PCDHGA2: variants seen among roughly 807,000 people sequenced by gnomAD.
PCDHGA2 encodes protocadherin gamma subfamily A, 2.
A neutral mutation model predicts 59.2 loss-of-function variants in PCDHGA2; 40 were observed. That is an observed-to-expected ratio of 0.68 (90% CI 0.52 to 0.88). The LOEUF (loss-of-function observed/expected upper bound fraction) is 0.88. Among genes scored for constraint, PCDHGA2 ranks in the 40% least tolerant of loss-of-function variants. The pLI is 0.00. For synonymous variants in PCDHGA2, 560 were observed against 526.0 expected (o/e 1.06, Z -0.89); for missense variants, 1,226 against 1,204.0 (o/e 1.02, Z -0.27).
chr5:141,355,171 A>G (rs1759739774), intron 1 of PCDHGA2: 1 of 1,572,286 alleles, frequency 6.4e-7, no homozygotes, highest in East Asian at 2.2e-5. Flanking sequence ...GGGAAAACCG[A>G]AGCACAGGCG....
At chr5:141,355,767 T>G (rs1267055965) in intron 1 of PCDHGA2, 2 of 1,613,898 alleles carry the variant, frequency 1.2e-6, no homozygotes, top group East Asian at 4.5e-5. Context: ...CCGATGGGAT[T>G]AAGTACCCAG....
chr5:141,481,071 A>G (rs887828386), intron 1 of PCDHGA2, among the ~76,000 whole-genome samples: 19 of 152,172 alleles, frequency 1.2e-4, no homozygotes, highest in African/African-American at 4.6e-4. Context: ...AACAAAAAGA[A>G]AGAAAGAAAA....
intron 1 of PCDHGA2, chr5:141,351,061 T>C (rs1474719299): frequency 1.2e-6 from 2 of 1,614,060 alleles, no homozygotes; most frequent in South Asian, 1.1e-5. Context: ...CAGACCAGGA[T>C]GAGGGCATTA....
intron 1 of PCDHGA2, chr5:141,427,909 C>G: frequency 6.3e-7 from 1 of 1,576,922 alleles, no homozygotes; most frequent in Non-Finnish European, 8.7e-7. Context: ...GCGCTCAGCG[C>G]CAACATGAGC....
Position 141,340,637 on chromosome 5 carries a change from A to C in PCDHGA2, c.1666A>C (p.Asn556His). 1 of 1,614,170 alleles carries C rather than the reference A, an allele frequency of 6.2e-7. No individual in the cohort carries two copies. The highest frequency in any genetic ancestry group is 8.5e-7 in the Non-Finnish European group (1 of 1,180,028). The change falls in exon 1 of 4, where the codon AAC becomes CAC. Residue 556 changes from asparagine to histidine, a missense_variant. Physicochemically the swap from Asn to His is moderately conservative, Grantham distance 68. Transcript: ENST00000394576. ...ATTAAGCCTGTTCGTGCTGGACCAG[A>C]ACGACAACGCGCCCGAGATCCTGTA... ...VSLSLFVLDQ[N>H]DNAPEILYPA...
intron 1 of PCDHGA2, chr5:141,388,778 A>T (rs2091485337): frequency 1.9e-6 from 3 of 1,613,826 alleles, no homozygotes. Context: ...ACACCGGGGA[A>T]ATTACTGTTT....
intron 1 of PCDHGA2, chr5:141,370,440 A>G (rs1390213172): frequency 6.2e-7 from 1 of 1,605,404 alleles, no homozygotes; most frequent in Non-Finnish European, 8.5e-7. Flanking sequence ...GCAGAGGCGA[A>G]TGCTATTTCT....
chr5:141,477,063 A>G lies in PCDHGA2; in HGVS notation c.2425-17744A>G, dbSNP rs2099404387. 6.2e-7 allele frequency: 1 copy of G among 1,614,248 alleles called. No individual in the cohort carries two copies. On this transcript the variant is annotated intron_variant, in intron 1 of 3. Coordinates refer to ENST00000394576, the MANE Select transcript of PCDHGA2 (RefSeq NM_018915.4). The surrounding 1 kb of genome is among the most constrained non-coding windows in gnomAD (Gnocchi z 4.9). Reference sequence around the variant, plus strand: ...GGTCGGCTGGACTTCGAGGACACCAAACTCCATGAGATTTACATCCAGGCC... The same window carrying G: ...GGTCGGCTGGACTTCGAGGACACCAGACTCCATGAGATTTACATCCAGGCC...
At position 141,491,687 on chromosome 5, in the gene PCDHGA2, G is replaced by T. The variant is rs946829558; in HGVS notation, c.2425-3120G>T. 6.2e-7 allele frequency: 1 copy of T among 1,613,072 alleles called. No individual in the cohort carries two copies. Among genetic ancestry groups the T allele is most frequent in the African/African-American group, 1.3e-5 (1 of 75,046 alleles). On this transcript the variant is annotated intron_variant, in intron 1 of 3. Transcript: ENST00000394576. This position sits in a 1 kb window ranked among gnomAD's most constrained non-coding sequence, Gnocchi z 6.9. ...ATCCGGTCCCGCTCTAATACGCTGC[G>T]GGAGCGGAGCCAGGTGAGGGGCTCG...
intron 1 of PCDHGA2, among the ~76,000 whole-genome samples, chr5:141,469,909 C>G (rs760329158): frequency 2.0e-5 from 3 of 152,120 alleles, no homozygotes; most frequent in Non-Finnish European, 2.9e-5. Context: ...GGCAGGCAGA[C>G]CACCCGAGGT....
At position 141,491,101 on chromosome 5, in the gene PCDHGA2, G is replaced by A. The variant is rs1270788252; in HGVS notation, c.2425-3706G>A. Reference sequence around the variant, plus strand: ...GTCCACAGCCCCAGGACTGTTCCTCGTGTCTACACACACTGGTGAGGTGCG... The same window carrying A: ...GTCCACAGCCCCAGGACTGTTCCTCATGTCTACACACACTGGTGAGGTGCG... On this transcript the variant is annotated intron_variant, in intron 1 of 3. Transcript: ENST00000394576. This position sits in a 1 kb window ranked among gnomAD's most constrained non-coding sequence, Gnocchi z 6.9. The A allele has an allele frequency of 8.1e-6, 13 of 1,614,102 alleles. No individual in the cohort carries two copies. In the East Asian group the frequency reaches 1.6e-4, roughly 19 times the overall value.
intron 1 of PCDHGA2, chr5:141,408,100 G>A (rs1474827605): frequency 9.7e-6 from 14 of 1,438,178 alleles, no homozygotes; most frequent in African/African-American, 1.4e-5. Context: ...CCAGCTCCGA[G>A]ACCCGGGACT....
rs769633110 is a variant in PCDHGA2 at position 141,374,076 on chromosome 5, A to G, written c.2424+32681A>G. The G allele has an allele frequency of 3.3e-6, 5 of 1,514,538 alleles. No homozygotes were observed. The Admixed American group carries it at 9.2e-5, about 28-fold the overall frequency. 93.8% of individuals were successfully genotyped at this position (1,514,538 alleles called of 1,614,324 possible). A position where few individuals can be genotyped will look rare whatever the true frequency, so the allele number is the denominator to read the frequency against. ...CTTAATCCCAGAGAAGTTCCTAATA[A>G]GCCAGTAATGGCGCCTCCGCAGAGG... On this transcript the variant is annotated intron_variant, in intron 1 of 3. Coordinates refer to ENST00000394576, the MANE Select transcript of PCDHGA2 (RefSeq NM_018915.4).
intron 1 of PCDHGA2, chr5:141,371,015 TCAC>T: frequency 1.9e-6 from 3 of 1,613,966 alleles, no homozygotes; most frequent in Non-Finnish European, 2.5e-6. Flanking sequence ...AGCAGCCACA[TCAC>T]CACCTGGTCC....
Position 141,339,865 on chromosome 5 carries a change from T to G in PCDHGA2, c.894T>G (p.Ser298=). Residue 298 remains serine (S), a synonymous_variant, in exon 1 of 4, where the codon TCT becomes TCG. Transcript: ENST00000394576. ...TSEVFELKST[S]GELTIIKDLD... ...AGGTATTTGAGCTTAAGTCAACATC[T>G]GGAGAACTGACAATCATAAAAGATC... is the stretch of plus-strand genomic sequence containing the variant. The G allele has an allele frequency of 6.2e-7, 1 of 1,614,176 alleles. No homozygotes were observed. The highest frequency in any genetic ancestry group is 8.5e-7 in the Non-Finnish European group (1 of 1,180,014).
intron 1 of PCDHGA2, chr5:141,441,126 C>T (rs1319809408): frequency 6.6e-6 from 1 of 152,062 alleles, no homozygotes; most frequent in Non-Finnish European, 1.5e-5. Context: ...CAGTTGAGAC[C>T]GAATTTCTAG....
At chr5:141,401,278 G>A (rs1355696847) in intron 1 of PCDHGA2, among the ~76,000 whole-genome samples, 4 of 152,160 alleles carry the variant, frequency 2.6e-5, no homozygotes, top group African/African-American at 9.7e-5. Context: ...GCAGGTGGAG[G>A]TTGCGGTGAG....
chr5:141,354,806 A>G (rs1328631738), intron 1 of PCDHGA2, among the ~76,000 whole-genome samples: 3 of 152,246 alleles, frequency 2.0e-5, no homozygotes, highest in African/African-American at 7.2e-5. Flanking sequence ...AAATAACTTC[A>G]TAAAGTTTAT....
chr5:141,414,767 AGCTACAGAT>A, intron 1 of PCDHGA2: 2 of 1,614,190 alleles, frequency 1.2e-6, no homozygotes, highest in Middle Eastern at 1.6e-4. Flanking sequence ...CAGTTTCATG[AGCTACAGAT>A]GCAGGTGACA....
Sources: gnomAD v4.1 joint callset for allele counts (sites outside exome capture counted in the v4.1 genomes callset) on GRCh38, gnomAD v4.1.1 for gene constraint, Gnocchi (gnomAD v3.1) non-coding constraint, MANE v1.5 for transcripts, NCBI Gene and HGNC (gene_info 2026-07-23, HGNC 2026-07-21) for gene names.